The following PWWP3A variants were observed in gnomAD, a reference collection of about 807,000 sequenced individuals.
PWWP3A encodes PWWP domain-containing DNA repair factor 3A.
PWWP3A carries 53 observed loss-of-function variants against 79.0 expected under a neutral mutation model. That is an observed-to-expected ratio of 0.67 (90% confidence interval 0.54 to 0.84). PWWP3A has a LOEUF of 0.84. Among genes scored for constraint, PWWP3A ranks in the 40% least tolerant of loss-of-function variants. The pLI is 0.00. For synonymous variants in PWWP3A, 443 were observed against 394.4 expected (o/e 1.12, Z -1.46); for missense variants, 973 against 948.0 (o/e 1.03, Z -0.35).
intron 7 of PWWP3A, among the ~76,000 whole-genome samples, chr19:1,365,651 C>T (rs1001806124): frequency 6.6e-6 from 1 of 152,256 alleles, no homozygotes; most frequent in African/African-American, 2.4e-5. Context: ...GACCCTCCGC[C>T]CTCCCTTGGC....
intron 6 of PWWP3A, among the ~76,000 whole-genome samples, chr19:1,363,242 T>C (rs112592133): frequency 1.4e-3 from 214 of 152,358 alleles, no homozygotes; most frequent in African/African-American, 4.9e-3. Context: ...TGAGTGCTTT[T>C]CCATCATTGA....
chr19:1,367,600 C>T (rs2082156171), intron 9 of PWWP3A, among the ~76,000 whole-genome samples: 1 of 152,240 alleles, frequency 6.6e-6, no homozygotes, highest in South Asian at 2.1e-4. Context: ...TAGCCAGCCC[C>T]TTGCGGCCGG....
Position 1,360,980 on chromosome 19 carries a change from T to C in PWWP3A, c.1059T>C (p.Ser353=). ...TGGGCCCGCCTCCCTCCCACGCCTC[T>C]GCGGATGCAACCAGATGTCTTCCTT... ...ARLGPPPSHA[S]ADATRCLPCP... Residue 353 remains serine (S), a synonymous_variant, in exon 5 of 14, where the codon TCT becomes TCC. Transcript: ENST00000591337. The surrounding 1 kb of genome is among the most constrained non-coding windows in gnomAD (Gnocchi z 4.4). The C allele has an allele frequency of 6.9e-7, 1 of 1,455,160 alleles. No individual in the cohort carries two copies. Among genetic ancestry groups the C allele is most frequent in the Non-Finnish European group, 9.1e-7 (1 of 1,103,118 alleles). 90.1% of individuals were successfully genotyped at this position (1,455,160 alleles called of 1,614,324 possible). A position where few individuals can be genotyped will look rare whatever the true frequency, so the allele number is the denominator to read the frequency against.
At chr19:1,356,903 G>C in intron 2 of PWWP3A, 106 bp from the exon 3 acceptor site, 6 of 812,100 alleles carry the variant, frequency 7.4e-6, no homozygotes, top group East Asian at 2.6e-5. Context: ...GAAATCCCAT[G>C]GTTATAGGCC....
In PWWP3A at chr19:1,360,687, C is replaced by T; in HGVS notation, c.766C>T (p.Pro256Ser). 13 of 1,613,292 alleles carry T rather than the reference C, an allele frequency of 8.1e-6. No homozygotes were observed. The highest frequency in any genetic ancestry group is 1.1e-5 in the Non-Finnish European group (13 of 1,179,560). The change falls in exon 5 of 14, where the codon CCC becomes TCC. Residue 256 changes from proline to serine, a missense_variant. Pro to Ser is a moderately conservative substitution (Grantham distance 74). Coordinates refer to ENST00000591337, the MANE Select transcript of PWWP3A (RefSeq NM_001369789.1). The surrounding 1 kb of genome is among the most constrained non-coding windows in gnomAD (Gnocchi z 4.4). ...KGGSWAAPSL[P>S]SGVREDDPCA... ...AGGCAGCTGGGCAGCCCCGTCCTTGCCCTCCGGGGTCAGGGAGGACGATCC... is the reference window on the plus strand; with the variant it reads ...AGGCAGCTGGGCAGCCCCGTCCTTGTCCTCCGGGGTCAGGGAGGACGATCC...
chr19:1,366,787 C>T (rs1021013751), intron 8 of PWWP3A, among the ~76,000 whole-genome samples: 5 of 152,238 alleles, frequency 3.3e-5, no homozygotes, highest in Non-Finnish European at 5.9e-5. Context: ...GATGAAAGCA[C>T]ACGTGGATGG....
Position 1,376,565 on chromosome 19 carries a change from C to T in PWWP3A, c.2122C>T (p.Arg708Cys), listed in dbSNP as rs749529970. 7.4e-6 allele frequency: 12 copies of T among 1,613,358 alleles called. No individual in the cohort carries two copies. Among genetic ancestry groups the T allele is most frequent in the African/African-American group, 1.3e-5 (1 of 74,876 alleles). ...DNQLLEERNR[R>C]RR ...CCAGCTCCTTGAAGAGCGGAACCGGCGCCGTCGGTGAGGGAGCAGCCGGCT... is the reference window on the plus strand; with the variant it reads ...CCAGCTCCTTGAAGAGCGGAACCGGTGCCGTCGGTGAGGGAGCAGCCGGCT... The change falls in exon 14 of 14, where the codon CGC becomes TGC. Residue 708 changes from arginine to cysteine, a missense_variant. By Grantham distance (180) the Arg-to-Cys change is radical. Coordinates refer to ENST00000591337, the MANE Select transcript of PWWP3A (RefSeq NM_001369789.1).
chr19:1,363,185 G>T (rs1666276128), intron 6 of PWWP3A, among the ~76,000 whole-genome samples: 1 of 152,356 alleles, frequency 6.6e-6, no homozygotes. Context: ...ACGCACACTT[G>T]CGTGCCGGTG....
intron 7 of PWWP3A, among the ~76,000 whole-genome samples, chr19:1,365,483 C>T (rs1035219969): frequency 6.6e-6 from 1 of 152,276 alleles, no homozygotes; most frequent in East Asian, 1.9e-4. Flanking sequence ...ACTGACCTCA[C>T]TCGAGTCACC....
chr19:1,364,128 G>C (rs781077822), intron 6 of PWWP3A: 10 of 524,312 alleles, frequency 1.9e-5, no homozygotes, highest in African/African-American at 3.9e-5. Context: ...CCTCACCTCT[G>C]TTTTGTGCCA....
At chr19:1,366,909 G>A (rs2082141273) in intron 8 of PWWP3A, among the ~76,000 whole-genome samples, 4 of 152,258 alleles carry the variant, frequency 2.6e-5, no homozygotes, top group Admixed American at 2.6e-4. Context: ...GGTGGGAGGT[G>A]TGGAGTGGAG....
chr19:1,370,644 T>C lies in PWWP3A; in HGVS notation c.1552T>C (p.Tyr518His). The C allele has an allele frequency of 6.9e-7, 1 of 1,448,924 alleles. No individual in the cohort carries two copies. The highest frequency in any genetic ancestry group is 9.1e-7 in the Non-Finnish European group (1 of 1,098,370). The allele number at this position is 1,448,924 out of a possible 1,614,324, so 89.8% of individuals were successfully genotyped here. ...FLEYYAADIS[Y>H]PVRKSIQQDV... is the part of the protein sequence containing the mutation. ...CACGACAGGTGCTTCTTTTGCAGGC[T>C]ATCCTGTCCGAAAATCCATCCAGCA... Residue 518 changes from tyrosine to histidine, a missense_variant and splice_region_variant, in exon 12 of 14, where the codon TAT (tyrosine) becomes CAT (histidine). Tyr to His is a moderately conservative substitution (Grantham distance 83, BLOSUM62 2). Transcript: ENST00000591337.
chr19:1,370,864 C>A lies in PWWP3A; in HGVS notation c.1772C>A (p.Ala591Asp). ...AAGGGCGCGGAGAGCCACCTGCGGGCCATCCTAAAGAGCAGGAAGCCATCT... is the reference window on the plus strand; with the variant it reads ...AAGGGCGCGGAGAGCCACCTGCGGGACATCCTAAAGAGCAGGAAGCCATCT... ...KAKGAESHLRAILKSRKPSRW... is the reference protein window; with the variant it reads ...KAKGAESHLRDILKSRKPSRW... Residue 591 changes from alanine to aspartate, a missense_variant, in exon 12 of 14, where the codon GCC (alanine) becomes GAC (aspartate). Ala to Asp is a moderately radical substitution (Grantham distance 126). Coordinates refer to ENST00000591337, the MANE Select transcript of PWWP3A (RefSeq NM_001369789.1). 1 of 1,560,908 alleles carries A rather than the reference C, an allele frequency of 6.4e-7. No homozygotes were observed. Among genetic ancestry groups the A allele is most frequent in the African/African-American group, 1.4e-5 (1 of 73,684 alleles).
In PWWP3A at chr19:1,356,390, A is replaced by G. The variant is rs2081866979; in HGVS notation, c.-3A>G. 6.2e-7 allele frequency: 1 copy of G among 1,614,060 alleles called. No individual in the cohort carries two copies. The highest frequency in any genetic ancestry group is 1.3e-5 in the African/African-American group (1 of 74,938). The stretch of plus-strand genomic sequence containing the variant: ...ATTGCCACTTGCCACATGAGTGTAA[A>G]TGATGGCGGATGCCAAGTATGTCCT... On this transcript the variant is annotated 5_prime_UTR_variant, in exon 2 of 14. The change abolishes an upstream ATG in the 5' untranslated region. Transcript: ENST00000591337.
chr19:1,374,043 G>A (rs1568961720), intron 13 of PWWP3A: 1 of 152,258 alleles, frequency 6.6e-6, no homozygotes, highest in Non-Finnish European at 1.5e-5. Flanking sequence ...CCCCCGTCAT[G>A]CTTGCCGTAA....
At position 1,356,426 on chromosome 19, in the gene PWWP3A, G is replaced by C. The variant is rs1600093102; in HGVS notation, c.34G>C (p.Glu12Gln). 6.2e-6 allele frequency: 10 copies of C among 1,614,078 alleles called. 1 individual carries two copies. ...ADAKYVLCRW[E>Q]KRLWPAKVLA... ...TGCCAAGTATGTCCTCTGCCGATGG[G>C]AAAAGCGATTATGGCCTGCGAAGGT... The change falls in exon 2 of 14, where the codon GAA becomes CAA. Residue 12 changes from glutamate (E) to glutamine (Q), a missense_variant. Physicochemically the swap from Glu to Gln is conservative, Grantham distance 29. Transcript: ENST00000591337.
intron 9 of PWWP3A, among the ~76,000 whole-genome samples, chr19:1,367,536 C>T (rs966251503): frequency 5.3e-5 from 8 of 152,242 alleles, no homozygotes; most frequent in African/African-American, 1.7e-4. Flanking sequence ...TGCGCAAGGC[C>T]ACCGCCTTCC....
intron 13 of PWWP3A, among the ~76,000 whole-genome samples, chr19:1,376,297 T>A (rs1327578112): frequency 1.1e-5 from 1 of 89,290 alleles, no homozygotes; most frequent in Non-Finnish European, 2.2e-5. Flanking sequence ...GGCTGTTTGT[T>A]TTTTTTTTTG....
At chr19:1,372,899 A>G in intron 12 of PWWP3A, 173 bp from the exon 13 acceptor site, 3 of 593,336 alleles carry the variant, frequency 5.1e-6, no homozygotes, top group East Asian at 2.8e-5. Flanking sequence ...ATTAAGAAAC[A>G]TCATTACAAG....
Sources: allele counts gnomAD v4.1 joint callset (sites outside exome capture counted in the v4.1 genomes callset), GRCh38; gene constraint gnomAD v4.1.1; non-coding constraint Gnocchi (gnomAD v3.1); transcripts MANE v1.5; gene names NCBI Gene and HGNC (gene_info 2026-07-23, HGNC 2026-07-21).